VTI1A: variants seen among roughly 807,000 people sequenced by gnomAD.
VTI1A encodes the protein vesicle transport through interaction with t-SNAREs 1A.
VTI1A carries 22 observed loss-of-function variants against 34.9 expected under a neutral mutation model. The observed-to-expected ratio is 0.63, with a 90% CI of 0.45 to 0.90. The LOEUF (loss-of-function observed/expected upper bound fraction) is 0.90, where lower values mean the gene tolerates loss of function less well. Ranked by LOEUF, VTI1A falls within the 40% of genes least tolerant of loss-of-function variation. VTI1A has a pLI of 0.00. For synonymous variants in VTI1A, 87 were observed against 97.3 expected (o/e 0.89, Z 0.62); for missense variants, 268 against 275.6 (o/e 0.97, Z 0.20).
chr10:112,460,372 G>A (rs1847691575), intron 1 of VTI1A, 152 bp from the exon 2 acceptor site: 3 of 632,546 alleles, frequency 4.7e-6, no homozygotes, highest in Non-Finnish European at 7.8e-6. Flanking sequence ...GCTTAAAGTG[G>A]TTTCAAACCC....
intron 5 of VTI1A, among the ~76,000 whole-genome samples, chr10:112,540,514 G>T (rs1850826257): frequency 6.6e-6 from 1 of 152,198 alleles, no homozygotes; most frequent in Non-Finnish European, 1.5e-5. Flanking sequence ...ATGTGGCTCA[G>T]CCTGTACATG....
intron 3 of VTI1A, among the ~76,000 whole-genome samples, chr10:112,468,119 C>T (rs1281745105): frequency 6.6e-6 from 1 of 152,106 alleles, no homozygotes; most frequent in East Asian, 1.9e-4. Flanking sequence ...TGTGTGCTTG[C>T]AGAGAAAGCA....
chr10:112,473,824 A>C (rs1848186796), intron 3 of VTI1A, among the ~76,000 whole-genome samples: 1 of 152,192 alleles, frequency 6.6e-6, no homozygotes, highest in Admixed American at 6.5e-5. Flanking sequence ...ATCCACAAAC[A>C]ATTATATAAG....
chr10:112,641,781 T>C (rs1213451001), intron 5 of VTI1A, among the ~76,000 whole-genome samples: 3 of 152,194 alleles, frequency 2.0e-5, no homozygotes, highest in Non-Finnish European at 2.9e-5. Context: ...GTGCTTGCTT[T>C]TACAAACCAC....
At chr10:112,853,074 G>A in the VTI1A span, among the ~76,000 whole-genome samples, 9 of 152,128 alleles carry the variant, frequency 5.9e-5, no homozygotes, top group East Asian at 1.9e-4. Context: ...ATGAGCCACC[G>A]CGCCCGGCCA....
intron 3 of VTI1A, among the ~76,000 whole-genome samples, chr10:112,494,472 A>AT (rs1265007439): frequency 2.6e-5 from 4 of 151,634 alleles, no homozygotes; most frequent in African/African-American, 9.7e-5. Context: ...AGTGAGATTG[A>AT]TTTTAGACTT....
intron 5 of VTI1A, among the ~76,000 whole-genome samples, chr10:112,607,991 CTCA>C (rs1845151821): frequency 6.6e-6 from 1 of 152,102 alleles, no homozygotes; most frequent in African/African-American, 2.4e-5. Flanking sequence ...GAATTGACAC[CTCA>C]TCACTTCCGC....
At chr10:112,844,012 G>T in the VTI1A span, among the ~76,000 whole-genome samples, 1 of 152,094 alleles carries the variant, frequency 6.6e-6, no homozygotes, top group Non-Finnish European at 1.5e-5. Context: ...GAGGAGGAAG[G>T]TTAGAGGAAT....
chr10:112,764,293 A>G (rs1271910814), intron 7 of VTI1A, among the ~76,000 whole-genome samples: 3 of 152,184 alleles, frequency 2.0e-5, no homozygotes, highest in Non-Finnish European at 2.9e-5. Flanking sequence ...CGGTCATTGC[A>G]GCCAGTTGCA....
intron 7 of VTI1A, among the ~76,000 whole-genome samples, chr10:112,790,942 C>A (rs1852451152): frequency 6.6e-6 from 1 of 152,098 alleles, no homozygotes; most frequent in African/African-American, 2.4e-5. Context: ...GGATTTGGGC[C>A]TCTACTTCCC....
intron 5 of VTI1A, among the ~76,000 whole-genome samples, chr10:112,649,469 C>T (rs1381141726): frequency 6.6e-6 from 1 of 152,120 alleles, no homozygotes; most frequent in Non-Finnish European, 1.5e-5. Context: ...TCATGCTGGA[C>T]ACAGTGTGGA....
At chr10:112,714,778 C>T (rs1236061451) in intron 7 of VTI1A, among the ~76,000 whole-genome samples, 2 of 152,094 alleles carry the variant, frequency 1.3e-5, no homozygotes, top group Admixed American at 6.5e-5. Flanking sequence ...AAACGCTATT[C>T]GATCAAAAAA....
chr10:112,458,730 G>A (rs917036615), intron 1 of VTI1A, among the ~76,000 whole-genome samples: 6 of 151,510 alleles, frequency 4.0e-5, no homozygotes, highest in African/African-American at 1.2e-4. Context: ...GCAATGGTGC[G>A]ATCTCGGCTC....
intron 5 of VTI1A, among the ~76,000 whole-genome samples, chr10:112,586,189 A>T (rs1344172392): frequency 1.3e-5 from 2 of 151,954 alleles, no homozygotes; most frequent in Non-Finnish European, 2.9e-5. Context: ...ATGATGCAAA[A>T]CAGATTTTTG....
intron 7 of VTI1A, among the ~76,000 whole-genome samples, chr10:112,685,436 A>G (rs1848369013): frequency 6.6e-6 from 1 of 152,072 alleles, no homozygotes. Context: ...CTGCTGTTGC[A>G]TTACTGGTTT....
chr10:112,596,864 G>A (rs569088183), intron 5 of VTI1A, among the ~76,000 whole-genome samples: 1 of 152,172 alleles, frequency 6.6e-6, no homozygotes, highest in African/African-American at 2.4e-5. Context: ...ACCCTTTTGT[G>A]TCAAGTTTGT....
chr10:112,599,505 A>G (rs1464861514), intron 5 of VTI1A, among the ~76,000 whole-genome samples: 1 of 152,172 alleles, frequency 6.6e-6, no homozygotes, highest in Non-Finnish European at 1.5e-5. Context: ...GACCGCCAAT[A>G]AGCGCTGAAG....
intron 5 of VTI1A, among the ~76,000 whole-genome samples, chr10:112,664,792 T>G (rs1157207568): frequency 6.6e-6 from 1 of 152,114 alleles, no homozygotes; most frequent in Non-Finnish European, 1.5e-5. Context: ...CCCAGGATGA[T>G]TCCCAGGACC....
intron 7 of VTI1A, among the ~76,000 whole-genome samples, chr10:112,676,614 T>C (rs556819095): frequency 1.3e-5 from 2 of 152,308 alleles, no homozygotes; most frequent in East Asian, 3.9e-4. Flanking sequence ...GGGTGGGCAG[T>C]ATGTCCCTAC....
Sources: gnomAD v4.1 joint callset for allele counts (sites outside exome capture counted in the v4.1 genomes callset) on GRCh38, gnomAD v4.1.1 for gene constraint, MANE v1.5 for transcripts, NCBI Gene and HGNC (gene_info 2026-07-23, HGNC 2026-07-21) for gene names.